The following ZFYVE28 variants were observed in gnomAD, a reference collection of about 807,000 sequenced individuals.
ZFYVE28 encodes zinc finger FYVE-type containing 28.
Under a neutral mutation model 82.1 loss-of-function variants are expected in ZFYVE28, and 40 were observed. That is an observed-to-expected ratio of 0.49 (90% CI 0.38 to 0.63). The LOEUF (loss-of-function observed/expected upper bound fraction) is 0.63. Among genes scored for constraint, ZFYVE28 ranks in the 30% least tolerant of loss-of-function variants. The pLI is 0.00. For synonymous variants in ZFYVE28, 612 were observed against 546.1 expected (o/e 1.12, Z -1.68); for missense variants, 1,321 against 1,242.1 (o/e 1.06, Z -0.96).
chr4:2,277,728 G>A (rs1008818390), intron 8 of ZFYVE28, among the ~76,000 whole-genome samples: 12 of 152,090 alleles, frequency 7.9e-5, no homozygotes, highest in African/African-American at 2.7e-4. Flanking sequence ...TTCACAGGTC[G>A]GAAGACAATA....
At chr4:2,374,839 G>A (rs1232446954) in intron 1 of ZFYVE28, among the ~76,000 whole-genome samples, 1 of 152,088 alleles carries the variant, frequency 6.6e-6, no homozygotes, top group African/African-American at 2.4e-5. Flanking sequence ...AAGTTCTTAG[G>A]ACATATCTTT....
intron 2 of ZFYVE28, among the ~76,000 whole-genome samples, chr4:2,346,111 A>C (rs1487546067): frequency 6.6e-6 from 1 of 151,538 alleles, no homozygotes; most frequent in African/African-American, 2.4e-5. Flanking sequence ...GGTGGATCAC[A>C]AGGTCAGGAG....
chr4:2,304,507 C>A lies in ZFYVE28; in HGVS notation c.1833G>T (p.Glu611Asp). The A allele has an allele frequency of 6.2e-7, 1 of 1,612,606 alleles. No individual in the cohort carries two copies. Among genetic ancestry groups the A allele is most frequent in the South Asian group, 1.1e-5 (1 of 91,054 alleles). Residue 611 changes from glutamate (E) to aspartate (D), a missense_variant, in exon 8 of 13, where the codon GAG becomes GAT. Glu to Asp is a conservative substitution (Grantham distance 45). Coordinates refer to ENST00000290974, the MANE Select transcript of ZFYVE28 (RefSeq NM_020972.3). ...CATCTTCTGAGGGTGGGGGCGCCTCCTCCTGTCTCTCAGGGGCCCTGTCGC... is the reference window on the plus strand; with the variant it reads ...CATCTTCTGAGGGTGGGGGCGCCTCATCCTGTCTCTCAGGGGCCCTGTCGC... ...KASDRAPERQ[E>D]EAPPPSEDAS...
rs573290829 is a variant in ZFYVE28 at position 2,339,033 on chromosome 4, C to T, written c.521+420G>A. Among the ~76,000 whole-genome samples, 2 of 152,238 alleles carry T rather than the reference C, an allele frequency of 1.3e-5. No individual in the cohort carries two copies. Among genetic ancestry groups the T allele is most frequent in the South Asian group, 2.1e-4 (1 of 4,822 alleles). On this transcript the variant is annotated intron_variant, in intron 4 of 12. Transcript: ENST00000290974. The surrounding 1 kb of genome is among the most constrained non-coding windows in gnomAD (Gnocchi z 5.0). ...GTCACCGTGTTAGCCAGGATGGTCT[C>T]GATCTTCTGACCTCATGATCCGCCT...
At chr4:2,404,683 G>A (rs1731637188) in intron 1 of ZFYVE28, among the ~76,000 whole-genome samples, 1 of 152,186 alleles carries the variant, frequency 6.6e-6, no homozygotes, top group African/African-American at 2.4e-5. Flanking sequence ...GAGGCAGGGT[G>A]AGTGAAGAGT....
Position 2,304,474 on chromosome 4 carries a change from G to T in ZFYVE28, c.1866C>A (p.Asn622Lys). 1.2e-6 allele frequency: 2 copies of T among 1,613,272 alleles called. No homozygotes were observed. Among genetic ancestry groups the T allele is most frequent in the African/African-American group, 1.3e-5 (1 of 75,068 alleles). Residue 622 changes from asparagine to lysine, a missense_variant, in exon 8 of 13, where the codon AAC becomes AAA. Coordinates refer to ENST00000290974, the MANE Select transcript of ZFYVE28 (RefSeq NM_020972.3). ...EAPPPSEDAS[N>K]GREPKAPTSD... Reference sequence around the variant, plus strand: ...AAGTGGGGGCTTTGGGCTCCCGCCCGTTGGAGGCATCTTCTGAGGGTGGGG... The same window carrying T: ...AAGTGGGGGCTTTGGGCTCCCGCCCTTTGGAGGCATCTTCTGAGGGTGGGG...
At chr4:2,342,101 G>A (rs781776337) in intron 2 of ZFYVE28, among the ~76,000 whole-genome samples, 27 of 152,244 alleles carry the variant, frequency 1.8e-4, no homozygotes, top group Non-Finnish European at 3.1e-4. Flanking sequence ...GCATTCCTCT[G>A]TAGAGTCAGG....
At chr4:2,277,051 T>G (rs1456661639) in intron 8 of ZFYVE28, among the ~76,000 whole-genome samples, 1 of 151,808 alleles carries the variant, frequency 6.6e-6, no homozygotes, top group East Asian at 1.9e-4. Flanking sequence ...AGGCGGCAAG[T>G]ACATGGCAGA....
intron 2 of ZFYVE28, among the ~76,000 whole-genome samples, chr4:2,349,260 T>C (rs537653661): frequency 3.1e-3 from 472 of 150,872 alleles, no homozygotes; most frequent in African/African-American, 0.011. Context: ...GTCACACTAT[T>C]CAAAAAGAAA....
In ZFYVE28 at chr4:2,273,991, G is replaced by A. The variant is rs2182682; in HGVS notation, c.2206+71C>T. On this transcript the variant is annotated intron_variant, in intron 9 of 12. Coordinates refer to ENST00000290974, the MANE Select transcript of ZFYVE28 (RefSeq NM_020972.3). ...GTGAGGGGGAGGTTGTACACGCCCC[G>A]CCTGACCTCCCCTAAAGCGCAGCCC... The A allele has an allele frequency of 0.5, 785,761 of 1,556,740 alleles. 205,377 individuals are homozygous for A. The highest frequency in any genetic ancestry group is 0.55 in the Admixed American group (31,437 of 57,512).
At chr4:2,304,211 A>T in intron 8 of ZFYVE28, 78 bp downstream of exon 8, 1 of 1,485,076 alleles carries the variant, frequency 6.7e-7, no homozygotes, top group Non-Finnish European at 8.9e-7. Context: ...AAACACTGCA[A>T]TGCTTGGAGA....
intron 6 of ZFYVE28, among the ~76,000 whole-genome samples, chr4:2,325,393 T>C (rs1426800815): frequency 1.3e-5 from 2 of 152,158 alleles, no homozygotes; most frequent in African/African-American, 4.8e-5. Context: ...GATTCAAACA[T>C]TTTTCTGTCA....
chr4:2,404,329 C>T (rs1190512925), intron 1 of ZFYVE28, among the ~76,000 whole-genome samples: 4 of 9,422 alleles, frequency 4.2e-4, no homozygotes, highest in African/African-American at 1.2e-3. Flanking sequence ...AAAAAAAAAA[C>T]GCTGAAGATG....
chr4:2,417,223 C>G lies in ZFYVE28; in HGVS notation c.39+1062G>C, dbSNP rs1733163802. Among the ~76,000 whole-genome samples the G allele has an allele frequency of 6.6e-6, 1 of 152,188 alleles. No individual in the cohort carries two copies. Among genetic ancestry groups the G allele is most frequent in the Non-Finnish European group, 1.5e-5 (1 of 68,024 alleles). Reference sequence around the variant, plus strand: ...GACCCCACCCGAGCCGTGACCTCCCCCAAGATCTCAGGGCCCGGGCCTCCC... The same window carrying G: ...GACCCCACCCGAGCCGTGACCTCCCGCAAGATCTCAGGGCCCGGGCCTCCC... On this transcript the variant is annotated intron_variant, in intron 1 of 12. Coordinates refer to ENST00000290974, the MANE Select transcript of ZFYVE28 (RefSeq NM_020972.3). The surrounding 1 kb of genome is among the most constrained non-coding windows in gnomAD (Gnocchi z 4.8).
In ZFYVE28 at chr4:2,332,633, G is replaced by A. The variant is rs1015606377; in HGVS notation, c.701+3072C>T. 2.0e-5 allele frequency among the ~76,000 whole-genome samples: 3 copies of A among 152,206 alleles called. No individual in the cohort carries two copies. Among genetic ancestry groups the A allele is most frequent in the African/African-American group, 4.8e-5 (2 of 41,440 alleles). ...ACTGAATGAACACAGGAAGGAGCAGGTTCTGGGCCCCACCACGGGCAGCTG... is the reference window on the plus strand; with the variant it reads ...ACTGAATGAACACAGGAAGGAGCAGATTCTGGGCCCCACCACGGGCAGCTG... On this transcript the variant is annotated intron_variant, in intron 6 of 12. Coordinates refer to ENST00000290974, the MANE Select transcript of ZFYVE28 (RefSeq NM_020972.3). The surrounding 1 kb of genome is among the most constrained non-coding windows in gnomAD (Gnocchi z 4.7).
intron 1 of ZFYVE28, among the ~76,000 whole-genome samples, chr4:2,395,258 A>G (rs1011359328): frequency 1.7e-5 from 1 of 59,944 alleles, no homozygotes; most frequent in Non-Finnish European, 4.0e-5. Flanking sequence ...CTCAAGTTCT[A>G]TGTTTTCTTT....
intron 3 of ZFYVE28, among the ~76,000 whole-genome samples, chr4:2,340,182 C>T (rs1722562653): frequency 6.6e-6 from 1 of 152,206 alleles, no homozygotes; most frequent in Admixed American, 6.5e-5. Flanking sequence ...TGTCAAGTTG[C>T]TCACTGCCAG....
chr4:2,275,554 C>T (rs1212464796), intron 8 of ZFYVE28, among the ~76,000 whole-genome samples: 1 of 152,206 alleles, frequency 6.6e-6, no homozygotes, highest in Non-Finnish European at 1.5e-5. Flanking sequence ...GCATCCTGCA[C>T]GGCCTCTTTT....
chr4:2,411,763 C>T (rs1224083891), intron 1 of ZFYVE28, among the ~76,000 whole-genome samples: 2 of 152,198 alleles, frequency 1.3e-5, no homozygotes, highest in African/African-American at 4.8e-5. Flanking sequence ...ACCTCAGTGC[C>T]TTAACGGATA....
Sources: allele counts gnomAD v4.1 joint callset (sites outside exome capture counted in the v4.1 genomes callset), GRCh38; gene constraint gnomAD v4.1.1; non-coding constraint Gnocchi (gnomAD v3.1); transcripts MANE v1.5; gene names NCBI Gene and HGNC (gene_info 2026-07-23, HGNC 2026-07-21).